The following GALK2 variants were observed in gnomAD, a reference collection of about 807,000 sequenced individuals.
The protein encoded by GALK2 is galactokinase 2.
In GALK2, 36 loss-of-function variants were observed where a neutral mutation model predicts 52.4. The observed-to-expected ratio is 0.69, with a 90% CI of 0.53 to 0.91. The LOEUF (loss-of-function observed/expected upper bound fraction) is 0.91. GALK2 is among the 40% of genes least tolerant of loss of function. The probability of loss-of-function intolerance (pLI) is 0.00; values close to 1 mark genes in which losing one functional copy is unlikely to be tolerated. For missense variants in GALK2, 579 were observed against 559.1 expected (o/e 1.04, Z -0.36); for synonymous variants, 176 against 199.1 (o/e 0.88, Z 0.98).
chr15:49,314,755 G>C (rs1229146106), intron 8 of GALK2, among the ~76,000 whole-genome samples: 2 of 152,242 alleles, frequency 1.3e-5, no homozygotes, highest in Non-Finnish European at 2.9e-5. Flanking sequence ...GATGGTGATA[G>C]GTGTTGGGAG....
intron 8 of GALK2, among the ~76,000 whole-genome samples, chr15:49,303,477 G>T (rs2141877507): frequency 6.6e-6 from 1 of 152,298 alleles, no homozygotes; most frequent in Non-Finnish European, 1.5e-5. Flanking sequence ...CATGGTTCTG[G>T]CTTCTGAGGC....
In GALK2 at chr15:49,330,451, A is replaced by G. The variant is rs183527205; in HGVS notation, c.*2292A>G. ...CAGTATCAGATATTCTGGATTACTCAGAATCTGGATTACTGAGTGGTGGAA... is the reference window on the plus strand; with the variant it reads ...CAGTATCAGATATTCTGGATTACTCGGAATCTGGATTACTGAGTGGTGGAA... On this transcript the variant is annotated 3_prime_UTR_variant, in exon 10 of 10. Transcript: ENST00000560031. 4.6e-5 allele frequency: 7 copies of G among 152,312 alleles called. No individual in the cohort carries two copies. In the East Asian group the frequency reaches 1.4e-3, roughly 29 times the overall value. 9.4% of individuals were successfully genotyped at this position (152,312 alleles called of 1,614,324 possible). A position where few individuals can be genotyped will look rare whatever the true frequency, so the allele number is the denominator to read the frequency against.
Position 49,311,116 on chromosome 15 carries a change from C to T in GALK2, c.968-8488C>T, listed in dbSNP as rs779550732. 2.0e-4 allele frequency among the ~76,000 whole-genome samples: 31 copies of T among 152,178 alleles called. 1 individual carries two copies. The highest frequency in any genetic ancestry group is 6.8e-3 in the Middle Eastern group (2 of 294). ...TTGTCTTCTTCTGCATATAAATATC[C>T]AGTTTTCTCAGCACCATTTATTGAC... On this transcript the variant is annotated intron_variant, in intron 8 of 9. Transcript: ENST00000560031.
At chr15:49,259,516 A>T (rs1045336809) in intron 5 of GALK2, among the ~76,000 whole-genome samples, 1 of 151,412 alleles carries the variant, frequency 6.6e-6, no homozygotes, top group African/African-American at 2.4e-5. Context: ...AAAGGACATG[A>T]ACTCATCATT....
intron 3 of GALK2, among the ~76,000 whole-genome samples, chr15:49,226,524 T>C (rs1159747044): frequency 6.6e-6 from 1 of 152,184 alleles, no homozygotes; most frequent in Non-Finnish European, 1.5e-5. Flanking sequence ...AGCCACCTTA[T>C]CTGCTATCCC....
Position 49,209,111 on chromosome 15 carries a change from CG to C in GALK2, c.142+7863del, listed in dbSNP as rs1555404685. On this transcript the variant is annotated intron_variant, in intron 2 of 9. Coordinates refer to ENST00000560031, the MANE Select transcript of GALK2 (RefSeq NM_002044.4). ...GGTTGGTTAGTCCTTATCCTTTTTG[CG>C]GTTCTCTATCTTTTAAGTGGAGCAT... Among the ~76,000 whole-genome samples the C allele has an allele frequency of 3.9e-5, 6 of 152,220 alleles. No homozygotes were observed. In the South Asian group the frequency reaches 1.0e-3, roughly 26 times the overall value.
rs2151141053 is a variant in GALK2, at chr15:49,331,047, TC to T, written c.*2889del. The T allele has an allele frequency of 6.6e-6, 1 of 152,386 alleles. No individual in the cohort carries two copies. The highest frequency in any genetic ancestry group is 2.1e-4 in the South Asian group (1 of 4,834). The allele number at this position is 152,386 out of a possible 1,614,324, so 9.4% of individuals were successfully genotyped here. A position where few individuals can be genotyped will look rare whatever the true frequency, so the allele number is the denominator to read the frequency against. ...TACAACACCCAGGTGTTTCACTCTT[TC>T]TATCACTTTTCTGCCCCATGTAGGA... On this transcript the variant is annotated 3_prime_UTR_variant, in exon 10 of 10. Coordinates refer to ENST00000560031, the MANE Select transcript of GALK2 (RefSeq NM_002044.4).
intron 2 of GALK2, among the ~76,000 whole-genome samples, chr15:49,209,725 G>A (rs2088652257): frequency 6.6e-6 from 1 of 152,010 alleles, no homozygotes; most frequent in Non-Finnish European, 1.5e-5. Context: ...GGGCTCTTGG[G>A]TTCATTTTGC....
chr15:49,217,516 T>A (rs1020865518), intron 3 of GALK2, among the ~76,000 whole-genome samples: 3 of 152,248 alleles, frequency 2.0e-5, no homozygotes, highest in East Asian at 3.8e-4. Flanking sequence ...CAAAGACTTA[T>A]CATGTGCTAG....
rs117132237 is a variant in GALK2, at chr15:49,366,245, T to C, written c.427-1246T>C. On this transcript the variant is annotated intron_variant, in intron 3 of 3. Coordinates refer to the GALK2 transcript ENST00000558399. ...GTTATTTCCTAGAGTCTGCTTCATATCTATAAAGTCTTTGTCACTTATAAA... is the reference window on the plus strand; with the variant it reads ...GTTATTTCCTAGAGTCTGCTTCATACCTATAAAGTCTTTGTCACTTATAAA... 1.7e-3 allele frequency: 1,332 copies of C among 785,828 alleles called. 19 individuals carry two copies. In the East Asian group the frequency reaches 0.03, roughly 18 times the overall value. 48.7% of individuals were successfully genotyped at this position (785,828 alleles called of 1,614,324 possible).
chr15:49,279,163 T>G (rs931710987), intron 5 of GALK2, among the ~76,000 whole-genome samples: 5 of 152,158 alleles, frequency 3.3e-5, no homozygotes, highest in Non-Finnish European at 7.3e-5. Context: ...ACCATATCAG[T>G]AGGGTTGTGT....
intron 2 of GALK2, among the ~76,000 whole-genome samples, chr15:49,216,150 C>G (rs1305497707): frequency 1.3e-5 from 2 of 152,230 alleles, no homozygotes; most frequent in Non-Finnish European, 2.9e-5. Flanking sequence ...ATGGCTTCCA[C>G]AGCTGGCACT....
At chr15:49,175,194 G>A (rs774667869) in intron 1 of GALK2, among the ~76,000 whole-genome samples, 3 of 152,180 alleles carry the variant, frequency 2.0e-5, no homozygotes, top group African/African-American at 4.8e-5. Flanking sequence ...AACAAGGTGA[G>A]CTATAGGACA....
chr15:49,329,601 C>A lies in GALK2; in HGVS notation c.*1442C>A. The stretch of plus-strand genomic sequence containing the variant: ...CAATATTCTATTTAAAAATAAACTT[C>A]TGATGCATTTTCATTCTTAGCAGAA... On this transcript the variant is annotated 3_prime_UTR_variant, in exon 10 of 10. Transcript: ENST00000560031. 1.0e-6 allele frequency: 1 copy of A among 984,600 alleles called. No individual in the cohort carries two copies. The highest frequency in any genetic ancestry group is 1.2e-6 in the Non-Finnish European group (1 of 829,230). The allele number at this position is 984,600 out of a possible 1,614,324, so 61.0% of individuals were successfully genotyped here.
chr15:49,356,196 A>C lies in GALK2; in HGVS notation c.427-11295A>C, dbSNP rs898428164. 5.7e-3 allele frequency among the ~76,000 whole-genome samples: 861 copies of C among 152,306 alleles called. 6 individuals carry two copies. Among genetic ancestry groups the C allele is most frequent in the African/African-American group, 0.02 (817 of 41,552 alleles). The stretch of plus-strand genomic sequence containing the variant: ...AACTGCATCAACTAACGAGCAAAAT[A>C]ACCAGCTAACATCATAATGACAGGA... On this transcript the variant is annotated intron_variant, in intron 3 of 3. Transcript: ENST00000558399.
chr15:49,354,783 G>T (rs953599220), intron 3 of GALK2, among the ~76,000 whole-genome samples: 2 of 151,978 alleles, frequency 1.3e-5, no homozygotes, highest in Non-Finnish European at 2.9e-5. Flanking sequence ...CACCTCTGGG[G>T]GCAGGGCACA....
chr15:49,366,677 G>T, intron 3 of GALK2: 3 of 1,516,428 alleles, frequency 2.0e-6, no homozygotes, highest in Non-Finnish European at 2.7e-6. Flanking sequence ...CCGCCGCTGC[G>T]GCCCCATCGG....
intron 3 of GALK2, chr15:49,225,258 C>G (rs2090062141): frequency 4.4e-6 from 2 of 455,836 alleles, no homozygotes; most frequent in South Asian, 3.1e-5. Context: ...GCAGATAGGC[C>G]ACACCATTCT....
In GALK2 at chr15:49,329,033, T is replaced by C; in HGVS notation, c.*874T>C. 1.6e-5 allele frequency: 16 copies of C among 1,006,234 alleles called. No individual in the cohort carries two copies. Among genetic ancestry groups the C allele is most frequent in the Non-Finnish European group, 1.9e-5 (16 of 842,356 alleles). 62.3% of individuals were successfully genotyped at this position (1,006,234 alleles called of 1,614,324 possible). A position where few individuals can be genotyped will look rare whatever the true frequency, so the allele number is the denominator to read the frequency against. Reference sequence around the variant, plus strand: ...TTTCTTATCACTCTTTTTCTACTACTTTTTCTCAAATACCTCTCTAATCCA... The same window carrying C: ...TTTCTTATCACTCTTTTTCTACTACCTTTTCTCAAATACCTCTCTAATCCA... On this transcript the variant is annotated 3_prime_UTR_variant, in exon 10 of 10. Transcript: ENST00000560031.
Sources: allele counts gnomAD v4.1 joint callset (sites outside exome capture counted in the v4.1 genomes callset), GRCh38; gene constraint gnomAD v4.1.1; transcripts MANE v1.5; gene names NCBI Gene and HGNC (gene_info 2026-07-23, HGNC 2026-07-21).